The following SPDYA variants were observed in gnomAD, a reference collection of about 807,000 sequenced individuals.
The protein encoded by SPDYA is speedy protein A.
Under a neutral mutation model 36.7 loss-of-function variants are expected in SPDYA, and 11 were observed. The ratio of observed to expected loss-of-function variants is 0.30; its 90% CI spans 0.19 to 0.50. SPDYA has a LOEUF of 0.50. Among genes scored for constraint, SPDYA ranks in the 20% least tolerant of loss-of-function variants. The pLI, the probability that SPDYA is intolerant of heterozygous loss-of-function variation, is 0.98. For synonymous variants in SPDYA, 115 were observed against 118.7 expected, an observed-to-expected ratio of 0.97 and a Z score of 0.20; for missense variants, 287 against 370.9, an observed-to-expected ratio of 0.77 and a Z score of 1.86.
intron 1 of SPDYA, among the ~76,000 whole-genome samples, chr2:28,814,194 A>G (rs556455994): frequency 5.9e-5 from 9 of 152,322 alleles, no homozygotes; most frequent in South Asian, 2.1e-4. Context: ...AAACTGAATA[A>G]TTTAATTTTT....
intron 3 of SPDYA, among the ~76,000 whole-genome samples, chr2:28,817,611 C>T (rs1285657029): frequency 2.6e-5 from 4 of 151,606 alleles, no homozygotes; most frequent in Non-Finnish European, 5.9e-5. Flanking sequence ...CGCAGTGGCT[C>T]ATTCCTGTAA....
At chr2:28,818,536 G>C (rs957572039) in intron 3 of SPDYA, among the ~76,000 whole-genome samples, 1 of 151,478 alleles carries the variant, frequency 6.6e-6, no homozygotes, top group African/African-American at 2.4e-5. Context: ...TGTATTTTGA[G>C]ATTATATATT....
intron 7 of SPDYA, among the ~76,000 whole-genome samples, chr2:28,842,662 T>A (rs1668776951): frequency 6.6e-6 from 1 of 152,216 alleles, no homozygotes; most frequent in African/African-American, 2.4e-5. Flanking sequence ...TTCTGAGTAT[T>A]AACCCATGGT....
At chr2:28,819,249 C>A in intron 4 of SPDYA, 143 bp downstream of exon 4, 1 of 561,234 alleles carries the variant, frequency 1.8e-6, no homozygotes, top group Non-Finnish European at 3.0e-6. Flanking sequence ...TGGCTCACAC[C>A]TGTAATCCCA....
At chr2:28,846,863 T>C (rs1268574876) in intron 7 of SPDYA, among the ~76,000 whole-genome samples, 1 of 151,940 alleles carries the variant, frequency 6.6e-6, no homozygotes, top group African/African-American at 2.4e-5. Flanking sequence ...ACAGAAACAA[T>C]GTATTCTCCA....
chr2:28,815,530 T>A (rs1667963037), intron 2 of SPDYA, among the ~76,000 whole-genome samples: 1 of 151,456 alleles, frequency 6.6e-6, no homozygotes, highest in South Asian at 2.1e-4. Context: ...GGAGGGGGGG[T>A]GCTTTGTAAT....
At position 28,819,210 on chromosome 2, in the gene SPDYA, T is replaced by C. The variant is rs144850013; in HGVS notation, c.294+104T>C. On this transcript the variant is annotated intron_variant, in intron 4 of 7. Coordinates refer to ENST00000334056, the MANE Select transcript of SPDYA (RefSeq NM_182756.4). ...GAATTTTCTATCTTATTAGTTATGA[T>C]TAAGAAAAGAGCTAGTGGCCAGGTG... 3.4e-6 allele frequency: 3 copies of C among 892,134 alleles called. No individual in the cohort carries two copies. In the East Asian group the frequency reaches 8.3e-5, roughly 25 times the overall value. 55.3% of individuals were successfully genotyped at this position (892,134 alleles called of 1,614,324 possible).
intron 5 of SPDYA, among the ~76,000 whole-genome samples, chr2:28,824,478 GAAAAAAAAAAAAAC>G (rs1668263619): frequency 1.3e-5 from 1 of 77,402 alleles, no homozygotes; most frequent in Non-Finnish European, 2.2e-5. Flanking sequence ...GCTGTCAGGA[GAAAAAAAAAAAAAC>G]AAAAAAAAAA....
At chr2:28,814,939 C>G (rs770722277) in intron 2 of SPDYA, among the ~76,000 whole-genome samples, 1 of 152,092 alleles carries the variant, frequency 6.6e-6, no homozygotes, top group Non-Finnish European at 1.5e-5. Context: ...CATTCATATA[C>G]ACTTATAATC....
chr2:28,829,122 T>C, intron 5 of SPDYA, 26 bp from the exon 6 acceptor site: 1 of 1,594,522 alleles, frequency 6.3e-7, no homozygotes, highest in Non-Finnish European at 8.5e-7. Context: ...CCCATTTCTT[T>C]TTTGGGTTGT....
Position 28,840,484 on chromosome 2 carries a change from T to C in SPDYA, c.850+15T>C. ...TGGTTCTGAAGGTATGATTTAGTAA[T>C]ATGCCAGAATTAGATTTATGCATGT... On this transcript the variant is annotated intron_variant, in intron 7 of 7. Coordinates refer to ENST00000334056, the MANE Select transcript of SPDYA (RefSeq NM_182756.4). 6.2e-7 allele frequency: 1 copy of C among 1,611,310 alleles called. No homozygotes were observed. Among genetic ancestry groups the C allele is most frequent in the Non-Finnish European group, 8.5e-7 (1 of 1,179,072 alleles).
Position 28,850,467 on chromosome 2 carries a change from A to G in SPDYA, c.*526A>G. The stretch of plus-strand genomic sequence containing the variant: ...AAATATTTTCTATTTTTTTCACAAA[A>G]CTGTTAAAATATGAGTTACTCTCTT... On this transcript the variant is annotated 3_prime_UTR_variant, in exon 8 of 8. Coordinates refer to ENST00000334056, the MANE Select transcript of SPDYA (RefSeq NM_182756.4). The G allele has an allele frequency of 2.6e-6, 3 of 1,155,866 alleles. No individual in the cohort carries two copies. Among genetic ancestry groups the G allele is most frequent in the Non-Finnish European group, 3.7e-6 (3 of 806,688 alleles). The allele number at this position is 1,155,866 out of a possible 1,614,324, so 71.6% of individuals were successfully genotyped here. A position where few individuals can be genotyped will look rare whatever the true frequency, so the allele number is the denominator to read the frequency against.
At chr2:28,833,513 T>C (rs1306412249) in intron 6 of SPDYA, among the ~76,000 whole-genome samples, 1 of 152,176 alleles carries the variant, frequency 6.6e-6, no homozygotes, top group Non-Finnish European at 1.5e-5. Context: ...TATCACCTTA[T>C]ATAGAGTAGT....
At chr2:28,834,286 G>C (rs1053796406) in intron 6 of SPDYA, among the ~76,000 whole-genome samples, 4 of 152,172 alleles carry the variant, frequency 2.6e-5, no homozygotes, top group Non-Finnish European at 4.4e-5. Flanking sequence ...GTAAAATGGG[G>C]AAGTTGCTTT....
intron 7 of SPDYA, among the ~76,000 whole-genome samples, chr2:28,841,612 C>G (rs558670339): frequency 5.3e-4 from 80 of 152,050 alleles, no homozygotes; most frequent in Non-Finnish European, 9.0e-4. Flanking sequence ...TTGTTTTTAC[C>G]ACAAAGATAT....
At chr2:28,838,737 C>T (rs1375140899) in intron 6 of SPDYA, among the ~76,000 whole-genome samples, 1 of 151,856 alleles carries the variant, frequency 6.6e-6, no homozygotes, top group Non-Finnish European at 1.5e-5. Context: ...TTTGGGAGGG[C>T]GAGGAGGGTG....
intron 6 of SPDYA, among the ~76,000 whole-genome samples, chr2:28,834,407 C>CA (rs1668543603): frequency 6.6e-6 from 1 of 152,078 alleles, no homozygotes; most frequent in African/African-American, 2.4e-5. Context: ...TATGTCCACA[C>CA]AAAAAACTTT....
chr2:28,823,745 A>ATATATGTAT (rs1491479223), intron 5 of SPDYA, among the ~76,000 whole-genome samples: 1 of 42,856 alleles, frequency 2.3e-5, no homozygotes, highest in Non-Finnish European at 4.4e-5. Context: ...ATATATATAT[A>ATATATGTAT]AAATTTTTTT....
intron 6 of SPDYA, among the ~76,000 whole-genome samples, chr2:28,836,037 CCT>C (rs1335382321): frequency 6.6e-6 from 1 of 152,230 alleles, no homozygotes; most frequent in Non-Finnish European, 1.5e-5. Flanking sequence ...CCTAAAATAA[CCT>C]CAAGTTAAGA....
Sources: gnomAD v4.1 joint callset for allele counts (sites outside exome capture counted in the v4.1 genomes callset) on GRCh38, gnomAD v4.1.1 for gene constraint, MANE v1.5 for transcripts, NCBI Gene and HGNC (gene_info 2026-07-23, HGNC 2026-07-21) for gene names.